The following RMDN2 variants were observed in gnomAD, a reference collection of about 807,000 sequenced individuals.
RMDN2 encodes regulator of microtubule dynamics protein 2.
Under a neutral mutation model 52.8 loss-of-function variants are expected in RMDN2, and 61 were observed. The observed-to-expected ratio is 1.16, with a 90% confidence interval of 0.94 to 1.43. The LOEUF is 1.43. RMDN2 is among the 40% of genes most tolerant of loss of function. RMDN2 has a pLI of 0.00. For synonymous variants in RMDN2, 180 were observed against 153.1 expected (o/e 1.18, Z -1.30); for missense variants, 592 against 475.3 (o/e 1.25, Z -2.28).
At chr2:38,016,457 G>A (rs547437895) in intron 10 of RMDN2, among the ~76,000 whole-genome samples, 1 of 152,354 alleles carries the variant, frequency 6.6e-6, no homozygotes, top group South Asian at 2.1e-4. Flanking sequence ...AGTCAGTGTG[G>A]AAATGCCTTC....
chr2:38,056,379 TACA>T (rs979973250), intron 10 of RMDN2, among the ~76,000 whole-genome samples: 9 of 152,298 alleles, frequency 5.9e-5, no homozygotes, highest in African/African-American at 2.2e-4. Context: ...CACCACTTAC[TACA>T]ACATCAATCA....
In RMDN2 at chr2:37,946,026, G is replaced by A. The variant is rs185973559; in HGVS notation, c.452+16297G>A. On this transcript the variant is annotated intron_variant, in intron 2 of 10. Transcript: ENST00000354545. ...ATTTGAATACCTTTTTAAGCCTAACGTAACTAAGAAGGCACAGGTGGGTTC... is the reference window on the plus strand; with the variant it reads ...ATTTGAATACCTTTTTAAGCCTAACATAACTAAGAAGGCACAGGTGGGTTC... Among the ~76,000 whole-genome samples the A allele has an allele frequency of 6.6e-5, 10 of 152,256 alleles. No homozygotes were observed. In the East Asian group the frequency reaches 1.3e-3, roughly 21 times the overall value.
In RMDN2 at chr2:37,925,325, A is replaced by T. The variant is rs1399633730; in HGVS notation, c.-117A>T. On this transcript the variant is annotated 5_prime_UTR_variant, in exon 1 of 11. Transcript: ENST00000354545. ...CGCGACGGCCGCGGCGCGGGACCTT[A>T]GGACCCGCGGGCTCCAGGGCTACTG... The T allele has an allele frequency of 9.2e-5, 14 of 152,184 alleles. No individual in the cohort carries two copies. Among genetic ancestry groups the T allele is most frequent in the Admixed American group, 9.2e-4 (14 of 15,282 alleles). 9.4% of individuals were successfully genotyped at this position (152,184 alleles called of 1,614,324 possible).
chr2:38,024,406 G>GCA (rs1679620644), intron 10 of RMDN2, among the ~76,000 whole-genome samples: 6 of 152,208 alleles, frequency 3.9e-5, no homozygotes, highest in Non-Finnish European at 8.8e-5. Flanking sequence ...AACAGCGTCT[G>GCA]AGAGTTCCGC....
rs1435706679 is a variant in RMDN2, at chr2:38,004,017, T to A, written c.1071T>A (p.Ser357=). ...LKAEELCPGY[S]NPNYMYLAKC... ...CTGAAGAACTATGCCCTGGTTATTC[T>A]AATCCCAATTACATGTACTTAGCAA... The change falls in exon 9 of 11, where the codon TCT becomes TCA. Residue 357 remains serine (S), a synonymous_variant. Transcript: ENST00000354545. The A allele has an allele frequency of 6.2e-7, 1 of 1,613,392 alleles. No homozygotes were observed. The highest frequency in any genetic ancestry group is 1.7e-5 in the Admixed American group (1 of 60,018).
intron 2 of RMDN2, among the ~76,000 whole-genome samples, chr2:37,972,769 T>C (rs1305571713): frequency 1.3e-5 from 2 of 152,234 alleles, no homozygotes; most frequent in African/African-American, 2.4e-5. Flanking sequence ...ATTTTGACGA[T>C]AGAACCAGCA....
chr2:37,976,249 A>C (rs911301542), intron 4 of RMDN2: 2 of 152,254 alleles, frequency 1.3e-5, no homozygotes, highest in Non-Finnish European at 2.9e-5. Context: ...CTAAATAGAT[A>C]GAATATCAAA....
chr2:38,049,763 T>G (rs1681478323), intron 10 of RMDN2, among the ~76,000 whole-genome samples: 1 of 151,988 alleles, frequency 6.6e-6, no homozygotes, highest in South Asian at 2.1e-4. Context: ...AGAGATGGGG[T>G]CTTGGTATGT....
intron 10 of RMDN2, among the ~76,000 whole-genome samples, chr2:38,031,556 C>T (rs957477769): frequency 2.0e-5 from 3 of 152,104 alleles, no homozygotes; most frequent in Non-Finnish European, 4.4e-5. Flanking sequence ...ACCTAACTGT[C>T]ACAAATCCCC....
At chr2:37,966,632 C>G (rs762982092) in intron 2 of RMDN2, among the ~76,000 whole-genome samples, 7 of 151,690 alleles carry the variant, frequency 4.6e-5, no homozygotes, top group Non-Finnish European at 7.4e-5. Flanking sequence ...TCCTCAGAAC[C>G]AATATTTTCA....
At position 38,065,749 on chromosome 2, in the gene RMDN2, C is replaced by T. The variant is rs34255004; in HGVS notation, c.1714-1233C>T. 2.0e-3 allele frequency among the ~76,000 whole-genome samples: 312 copies of T among 152,304 alleles called. 6 individuals are homozygous for T. Among genetic ancestry groups the T allele is most frequent in the African/African-American group, 6.5e-3 (272 of 41,552 alleles). On this transcript the variant is annotated intron_variant, in intron 10 of 10. Transcript: ENST00000234195. The stretch of plus-strand genomic sequence containing the variant: ...AGCCTAAGGATGGCCCTGGCTCCAA[C>T]AAGGAACCTTGGTCCAGACAGGTTC...
At chr2:37,924,158 C>T (rs1666113685), upstream of RMDN2, among the ~76,000 whole-genome samples, 1 of 152,220 alleles carries the variant, frequency 6.6e-6, no homozygotes, top group African/African-American at 2.4e-5. Flanking sequence ...CCCTGAATCC[C>T]TATCCGTAAA....
At chr2:37,925,101 C>A (rs7570048), upstream of RMDN2, among the ~76,000 whole-genome samples, 332 of 152,300 alleles carry the variant, frequency 2.2e-3, 4 homozygotes, top group African/African-American at 7.5e-3. Context: ...TGCCGACCGG[C>A]TTCGAAGGGA....
intron 2 of RMDN2, among the ~76,000 whole-genome samples, chr2:37,966,908 G>A (rs1413938003): frequency 6.6e-6 from 1 of 152,072 alleles, no homozygotes; most frequent in African/African-American, 2.4e-5. Context: ...TTTGATAAAA[G>A]CCCCTATCAG....
chr2:38,010,304 C>G (rs375157834), intron 10 of RMDN2, among the ~76,000 whole-genome samples: 1 of 152,230 alleles, frequency 6.6e-6, no homozygotes, highest in Non-Finnish European at 1.5e-5. Flanking sequence ...GCCCTGCCCC[C>G]AGAGGTGGAG....
At chr2:37,949,235 T>G (rs1373841177) in intron 2 of RMDN2, among the ~76,000 whole-genome samples, 1 of 152,178 alleles carries the variant, frequency 6.6e-6, no homozygotes, top group East Asian at 1.9e-4. Context: ...TCATTCTTTA[T>G]GTGGGCCATT....
At chr2:37,970,708 C>T (rs951816235) in intron 2 of RMDN2, among the ~76,000 whole-genome samples, 1 of 152,120 alleles carries the variant, frequency 6.6e-6, no homozygotes, top group Non-Finnish European at 1.5e-5. Flanking sequence ...GCAGTAGATA[C>T]ATAATTCTGA....
chr2:37,961,841 A>G (rs535627282), intron 2 of RMDN2, among the ~76,000 whole-genome samples: 1 of 152,174 alleles, frequency 6.6e-6, no homozygotes, highest in Admixed American at 6.5e-5. Flanking sequence ...TCTACCTTTG[A>G]TCTTTGATGG....
At chr2:38,027,478 C>T (rs1445843473) in intron 10 of RMDN2, 1 of 151,988 alleles carries the variant, frequency 6.6e-6, no homozygotes, top group African/African-American at 2.4e-5. Flanking sequence ...TCCTATAAAC[C>T]ATTATTTTAT....
Sources: allele counts gnomAD v4.1 joint callset (sites outside exome capture counted in the v4.1 genomes callset), GRCh38; gene constraint gnomAD v4.1.1; transcripts MANE v1.5; gene names NCBI Gene and HGNC (gene_info 2026-07-23, HGNC 2026-07-21).